SLIT3: variants seen among roughly 807,000 people sequenced by gnomAD.
SLIT3 encodes the protein slit homolog 3 protein.
In SLIT3, 68 loss-of-function variants were observed where a neutral mutation model predicts 184.0. That is an observed-to-expected ratio of 0.37 (90% confidence interval 0.30 to 0.45). The LOEUF (loss-of-function observed/expected upper bound fraction) is 0.45, where lower values mean the gene tolerates loss of function less well. Among genes scored for constraint, SLIT3 ranks in the 20% least tolerant of loss-of-function variants. SLIT3 has a pLI of 1.00. For synonymous variants in SLIT3, 831 were observed against 828.6 expected (o/e 1.00, Z -0.05); for missense variants, 1,707 against 2,026.0 (o/e 0.84, Z 3.02).
intron 23 of SLIT3, among the ~76,000 whole-genome samples, chr5:168,721,619 C>G (rs1762943523): frequency 6.6e-6 from 1 of 152,132 alleles, no homozygotes; most frequent in East Asian, 1.9e-4. Context: ...AGGGGTAGGG[C>G]CCTGGTACGG....
chr5:168,884,145 G>C (rs905527220), intron 4 of SLIT3, among the ~76,000 whole-genome samples: 2 of 150,496 alleles, frequency 1.3e-5, no homozygotes, highest in African/African-American at 4.9e-5. Context: ...GTTTTTGCTA[G>C]ACCAAACATG....
At chr5:168,698,288 A>G (rs1224494986) in intron 27 of SLIT3, among the ~76,000 whole-genome samples, 1 of 152,248 alleles carries the variant, frequency 6.6e-6, no homozygotes, top group Non-Finnish European at 1.5e-5. Context: ...ATTTTGAAAT[A>G]GGATCTTTGC....
chr5:168,743,059 G>A (rs895876457), intron 20 of SLIT3, among the ~76,000 whole-genome samples: 7 of 152,170 alleles, frequency 4.6e-5, no homozygotes, highest in African/African-American at 7.2e-5. Context: ...ATGAACCCTG[G>A]AGGTTCACGC....
chr5:169,015,139 T>C (rs1226168193), intron 4 of SLIT3, among the ~76,000 whole-genome samples: 1 of 151,748 alleles, frequency 6.6e-6, no homozygotes, highest in African/African-American at 2.4e-5. Context: ...TATGAGTTGA[T>C]ATATTTGGCT....
chr5:169,191,212 A>G (rs565482720), intron 4 of SLIT3, among the ~76,000 whole-genome samples: 30 of 152,286 alleles, frequency 2.0e-4, no homozygotes, highest in African/African-American at 5.8e-4. Context: ...GGCACTGTTT[A>G]TATCTTTAGG....
At chr5:168,999,819 C>T (rs144637733) in intron 4 of SLIT3, among the ~76,000 whole-genome samples, 3 of 152,280 alleles carry the variant, frequency 2.0e-5, no homozygotes, top group South Asian at 2.1e-4. Flanking sequence ...ACAGAGTGGA[C>T]GCCCACCTGG....
chr5:168,895,690 T>C (rs1581188246), intron 4 of SLIT3, among the ~76,000 whole-genome samples: 1 of 152,226 alleles, frequency 6.6e-6, no homozygotes, highest in African/African-American at 2.4e-5. Context: ...CTATTTATTG[T>C]TCCATTCAAA....
At chr5:169,067,209 G>T (rs964214593) in intron 4 of SLIT3, among the ~76,000 whole-genome samples, 10 of 151,948 alleles carry the variant, frequency 6.6e-5, no homozygotes, top group Admixed American at 1.3e-4. Context: ...CAGGAGTTTG[G>T]GACCAGCCTG....
intron 5 of SLIT3, among the ~76,000 whole-genome samples, chr5:168,872,498 G>C (rs188972883): frequency 3.5e-4 from 53 of 152,070 alleles, no homozygotes; most frequent in Non-Finnish European, 5.6e-4. Context: ...TTGTGTGTTG[G>C]GGGTATATGG....
chr5:168,774,342 C>T lies in SLIT3; in HGVS notation c.1188G>A (p.Val396=). The T allele has an allele frequency of 6.2e-7, 1 of 1,613,850 alleles. No homozygotes were observed. The highest frequency in any genetic ancestry group is 8.5e-7 in the Non-Finnish European group (1 of 1,179,874). ...GGTTCTGCAGGTCCTGAAACGTGTT[C>T]ACCCGCAGGCAGTTGATCTTGTTGG... ...LNANKINCLR[V]NTFQDLQNLN... Residue 396 remains valine, a synonymous_variant, in exon 13 of 36, where the codon GTG becomes GTA. Transcript: ENST00000519560.
intron 4 of SLIT3, among the ~76,000 whole-genome samples, chr5:169,140,350 G>A (rs1761679407): frequency 6.9e-6 from 1 of 145,320 alleles, no homozygotes; most frequent in Admixed American, 6.8e-5. Context: ...GCATGGTGGT[G>A]TGTGCCTGTA....
At chr5:169,274,921 G>A (rs555579317) in intron 1 of SLIT3, among the ~76,000 whole-genome samples, 1 of 152,192 alleles carries the variant, frequency 6.6e-6, no homozygotes. Flanking sequence ...ACCTCATAGG[G>A]TTGTTGTGAG....
Position 169,263,777 on chromosome 5 carries a change from A to G in SLIT3, c.198-12318T>C, listed in dbSNP as rs557923749. ...GAACTTCTGAACTTCTGGATCATTT[A>G]CCCTCTCTCTGCACAACTCATTTTG... is the stretch of plus-strand genomic sequence containing the variant. On this transcript the variant is annotated intron_variant, in intron 1 of 35. Coordinates refer to ENST00000519560, the MANE Select transcript of SLIT3 (RefSeq NM_003062.4). 1.7e-5 allele frequency: 8 copies of G among 468,668 alleles called. No individual in the cohort carries two copies. In the East Asian group the frequency reaches 5.8e-4, roughly 34 times the overall value. 29.0% of individuals were successfully genotyped at this position (468,668 alleles called of 1,614,324 possible).
chr5:168,845,442 CA>C (rs1407697028), intron 5 of SLIT3, among the ~76,000 whole-genome samples: 1 of 152,128 alleles, frequency 6.6e-6, no homozygotes, highest in African/African-American at 2.4e-5. Context: ...AAAGATGCAC[CA>C]CTTTGATTTA....
rs1031509651 is a variant in SLIT3 at position 169,300,864 on chromosome 5, G to C, written c.-155C>G. On this transcript the variant is annotated 5_prime_UTR_variant, in exon 1 of 36. Transcript: ENST00000519560. This position sits in a 1 kb window ranked among gnomAD's most constrained non-coding sequence, Gnocchi z 4.1. ...CTCGGTGCTCAGGCGCACGGGGCGC[G>C]GGCGGAGCGGGGCGCTCCGGGCGGC... 3.3e-6 allele frequency: 2 copies of C among 600,558 alleles called. No individual in the cohort carries two copies. The highest frequency in any genetic ancestry group is 4.0e-5 in the African/African-American group (2 of 50,628). 37.2% of individuals were successfully genotyped at this position (600,558 alleles called of 1,614,324 possible).
chr5:168,809,962 C>T (rs1757110154), intron 8 of SLIT3, among the ~76,000 whole-genome samples: 1 of 151,224 alleles, frequency 6.6e-6, no homozygotes, highest in African/African-American at 2.5e-5. Flanking sequence ...CTTCTTTCCA[C>T]CACAGCTTTC....
chr5:169,179,932 A>C (rs1763104630), intron 4 of SLIT3, among the ~76,000 whole-genome samples: 1 of 152,216 alleles, frequency 6.6e-6, no homozygotes, highest in South Asian at 2.1e-4. Context: ...CAAAACAGAT[A>C]AAATCCCTGC....
At chr5:169,076,061 T>C (rs1289685246) in intron 4 of SLIT3, among the ~76,000 whole-genome samples, 2 of 152,192 alleles carry the variant, frequency 1.3e-5, no homozygotes, top group East Asian at 1.9e-4. Context: ...CTCTGTTCTC[T>C]GTATGAGAGT....
chr5:168,968,902 A>G (rs985062504), intron 4 of SLIT3, among the ~76,000 whole-genome samples: 3 of 152,160 alleles, frequency 2.0e-5, no homozygotes, highest in Non-Finnish European at 4.4e-5. Flanking sequence ...AAATGTTGAC[A>G]ATGTCTACTG....
Sources: gnomAD v4.1 joint callset for allele counts (sites outside exome capture counted in the v4.1 genomes callset) on GRCh38, gnomAD v4.1.1 for gene constraint, Gnocchi (gnomAD v3.1) non-coding constraint, MANE v1.5 for transcripts, NCBI Gene and HGNC (gene_info 2026-07-23, HGNC 2026-07-21) for gene names.